The following WDR25 variants were observed in gnomAD, a reference collection of about 807,000 sequenced individuals.
WDR25 encodes the protein WD repeat domain 25.
In WDR25, 35 loss-of-function variants were observed where a neutral mutation model predicts 47.7. The ratio of observed to expected loss-of-function variants is 0.73; its 90% CI spans 0.56 to 0.97. The LOEUF (loss-of-function observed/expected upper bound fraction) is 0.97, where lower values mean the gene tolerates loss of function less well. Ranked by LOEUF, WDR25 falls within the 50% of genes least tolerant of loss-of-function variation. The probability of loss-of-function intolerance (pLI) is 0.00; values close to 1 mark genes in which losing one functional copy is unlikely to be tolerated. For missense variants in WDR25, 634 were observed against 704.7 expected (o/e 0.90, Z 1.14); for synonymous variants, 248 against 278.9 (o/e 0.89, Z 1.10).
chr14:100,462,206 C>T (rs552909240), intron 2 of WDR25, among the ~76,000 whole-genome samples: 16 of 152,164 alleles, frequency 1.1e-4, no homozygotes, highest in Admixed American at 5.9e-4. Context: ...AATATGGCAC[C>T]GACAAGTGAC....
chr14:100,493,231 T>C (rs943563243), intron 4 of WDR25, among the ~76,000 whole-genome samples: 1 of 152,190 alleles, frequency 6.6e-6, no homozygotes, highest in African/African-American at 2.4e-5. Context: ...AGCAGTCGGT[T>C]GAGAACATTT....
chr14:100,381,728 T>C lies in WDR25; in HGVS notation c.804T>C (p.Ser268=), dbSNP rs766096810. ...AGAGCCACATGCTTCTCTCCACTTC[T>C]ATGGATAAAACTTTCAAGGTAAGAC... is the stretch of plus-strand genomic sequence containing the variant. ...LSKSHMLLST[S]MDKTFKVWNA... is the part of the protein sequence containing the mutation. Residue 268 remains serine, a synonymous_variant, in exon 2 of 7, where the codon TCT becomes TCC. Coordinates refer to ENST00000402312, the MANE Select transcript of WDR25 (RefSeq NM_001161476.3). 4 of 1,603,754 alleles carry C rather than the reference T, an allele frequency of 2.5e-6. No homozygotes were observed. The Admixed American group carries it at 5.3e-5, about 21-fold the overall frequency.
intron 2 of WDR25, among the ~76,000 whole-genome samples, chr14:100,423,331 C>T (rs562658315): frequency 4.6e-5 from 7 of 152,254 alleles, no homozygotes; most frequent in East Asian, 3.9e-4. Flanking sequence ...TGGAAGCTGT[C>T]GGTGGTTGGC....
intron 2 of WDR25, among the ~76,000 whole-genome samples, chr14:100,446,596 A>G (rs1378775606): frequency 2.0e-5 from 3 of 152,112 alleles, no homozygotes; most frequent in Non-Finnish European, 4.4e-5. Context: ...ATCACAACAC[A>G]TGGTAAGTAA....
At position 100,488,028 on chromosome 14, in the gene WDR25, A is replaced by G. The variant is rs996116468; in HGVS notation, c.1101+3904A>G. 2.6e-5 allele frequency among the ~76,000 whole-genome samples: 4 copies of G among 152,192 alleles called. No individual in the cohort carries two copies. The highest frequency in any genetic ancestry group is 9.7e-5 in the African/African-American group (4 of 41,438). The stretch of plus-strand genomic sequence containing the variant: ...TGAGATTTTATGATTCCTTAAACGT[A>G]GCCAAGTGCTAAGTGTCAAGATTCT... On this transcript the variant is annotated intron_variant, in intron 4 of 6. Coordinates refer to ENST00000402312, the MANE Select transcript of WDR25 (RefSeq NM_001161476.3). This position sits in a 1 kb window ranked among gnomAD's most constrained non-coding sequence, Gnocchi z 4.2.
At chr14:100,386,705 A>G (rs1055533291) in intron 2 of WDR25, among the ~76,000 whole-genome samples, 1 of 151,978 alleles carries the variant, frequency 6.6e-6, no homozygotes, top group Non-Finnish European at 1.5e-5. Context: ...CATCTTGGCT[A>G]ACATGGTGAA....
intron 2 of WDR25, among the ~76,000 whole-genome samples, chr14:100,458,477 C>T (rs1899275591): frequency 6.6e-6 from 1 of 151,682 alleles, no homozygotes; most frequent in African/African-American, 2.4e-5. Flanking sequence ...ATTTCAACAC[C>T]CCGCTCTCAA....
chr14:100,475,366 T>C (rs1316562698), intron 3 of WDR25, among the ~76,000 whole-genome samples: 1 of 152,196 alleles, frequency 6.6e-6, no homozygotes, highest in Admixed American at 6.5e-5. Context: ...AGCCAAGATA[T>C]GGAAGCCACC....
chr14:100,510,000 G>A (rs918645116), intron 4 of WDR25, among the ~76,000 whole-genome samples: 3 of 151,366 alleles, frequency 2.0e-5, no homozygotes, highest in African/African-American at 7.3e-5. Flanking sequence ...GCTGGTTATG[G>A]TGGCTCACAC....
chr14:100,394,191 G>T (rs879345917), intron 2 of WDR25, among the ~76,000 whole-genome samples: 9 of 152,158 alleles, frequency 5.9e-5, no homozygotes, highest in Non-Finnish European at 1.2e-4. Flanking sequence ...GCCTTGATTC[G>T]TTGATCAAAT....
At chr14:100,433,029 T>C (rs1898388648) in intron 2 of WDR25, among the ~76,000 whole-genome samples, 1 of 152,242 alleles carries the variant, frequency 6.6e-6, no homozygotes, top group South Asian at 2.1e-4. Flanking sequence ...AAATACAGTC[T>C]AATCTTATGG....
At chr14:100,454,386 G>A in intron 2 of WDR25, 1 of 1,287,234 alleles carries the variant, frequency 7.8e-7, no homozygotes, top group Non-Finnish European at 1.0e-6. Flanking sequence ...GAGGTGAGGA[G>A]GTGGGGTGAA....
At position 100,400,324 on chromosome 14, in the gene WDR25, G is replaced by A. The variant is rs76397103; in HGVS notation, c.822+18578G>A. Among the ~76,000 whole-genome samples the A allele has an allele frequency of 3.0e-4, 45 of 152,312 alleles. 1 individual carries two copies. The East Asian group carries it at 7.1e-3, about 24-fold the overall frequency. On this transcript the variant is annotated intron_variant, in intron 2 of 6. Coordinates refer to ENST00000402312, the MANE Select transcript of WDR25 (RefSeq NM_001161476.3). The stretch of plus-strand genomic sequence containing the variant: ...ATTAACTGGGCTTTGTGGTCCCCTC[G>A]GAGGGCTGTTGGCGCCTGGTCCTCA...
intron 2 of WDR25, chr14:100,455,411 A>C (rs945439797): frequency 2.0e-5 from 3 of 152,216 alleles, no homozygotes; most frequent in African/African-American, 7.2e-5. Flanking sequence ...AACTGTGGAC[A>C]ATATCAGAAA....
chr14:100,443,023 C>T (rs1171966011), intron 2 of WDR25, among the ~76,000 whole-genome samples: 3 of 152,210 alleles, frequency 2.0e-5, no homozygotes, highest in African/African-American at 7.2e-5. Flanking sequence ...GCTCGGCAGG[C>T]CCCAGGCGCT....
intron 2 of WDR25, among the ~76,000 whole-genome samples, chr14:100,395,838 C>T (rs1328508830): frequency 6.6e-6 from 1 of 152,184 alleles, no homozygotes; most frequent in Non-Finnish European, 1.5e-5. Context: ...CCACCCACCC[C>T]TCACCTCCAG....
chr14:100,509,623 C>A (rs1901233626), intron 4 of WDR25, among the ~76,000 whole-genome samples: 1 of 152,044 alleles, frequency 6.6e-6, no homozygotes, highest in African/African-American at 2.4e-5. Flanking sequence ...TCAAAATGTA[C>A]AGTTTAAGTT....
At position 100,498,670 on chromosome 14, in the gene WDR25, C is replaced by T. The variant is rs1407887403; in HGVS notation, c.1101+14546C>T. Among the ~76,000 whole-genome samples, 1 of 152,194 alleles carries T rather than the reference C, an allele frequency of 6.6e-6. No individual in the cohort carries two copies. Among genetic ancestry groups the T allele is most frequent in the African/African-American group, 2.4e-5 (1 of 41,452 alleles). On this transcript the variant is annotated intron_variant, in intron 4 of 6. Coordinates refer to ENST00000402312, the MANE Select transcript of WDR25 (RefSeq NM_001161476.3). The surrounding 1 kb of genome is among the most constrained non-coding windows in gnomAD (Gnocchi z 4.2). ...TCTCCCTTCTCCACCACCTCAGTCCCTGCGTCCTCCTCTTCCAGGGCCAAC... is the reference window on the plus strand; with the variant it reads ...TCTCCCTTCTCCACCACCTCAGTCCTTGCGTCCTCCTCTTCCAGGGCCAAC...
chr14:100,383,844 C>T (rs111834092), intron 2 of WDR25, among the ~76,000 whole-genome samples: 4,029 of 152,338 alleles, frequency 0.026, 68 homozygotes, highest in Middle Eastern at 0.054. Context: ...AGCCAACTAA[C>T]TGTGACACCT....
Sources: gnomAD v4.1 joint callset for allele counts (sites outside exome capture counted in the v4.1 genomes callset) on GRCh38, gnomAD v4.1.1 for gene constraint, Gnocchi (gnomAD v3.1) non-coding constraint, MANE v1.5 for transcripts, NCBI Gene and HGNC (gene_info 2026-07-23, HGNC 2026-07-21) for gene names.